Variants in RBFOX1 observed in about 807,000 individuals in gnomAD.
RBFOX1 encodes the protein RNA binding fox-1 homolog 1.
In RBFOX1, 8 loss-of-function variants were observed where a neutral mutation model predicts 57.7. That is an observed-to-expected ratio of 0.14 (90% CI 0.08 to 0.25). The LOEUF (loss-of-function observed/expected upper bound fraction) is 0.25. Ranked by LOEUF, RBFOX1 falls within the 10% of genes least tolerant of loss-of-function variation. The pLI, the probability that RBFOX1 is intolerant of heterozygous loss-of-function variation, is 1.00. For missense variants in RBFOX1, 611 were observed against 548.5 expected (o/e 1.11, Z -1.14); for synonymous variants, 326 against 222.4 (o/e 1.47, Z -4.15).
chr16:5,958,816 C>G (rs570093281), intron 4 of RBFOX1, among the ~76,000 whole-genome samples: 4 of 152,304 alleles, frequency 2.6e-5, no homozygotes, highest in South Asian at 4.2e-4. Context: ...ACGCTAATCT[C>G]TGATACTATT....
At chr16:6,449,827 C>G (rs1032934643) in intron 2 of RBFOX1, among the ~76,000 whole-genome samples, 11 of 152,080 alleles carry the variant, frequency 7.2e-5, no homozygotes, top group African/African-American at 2.7e-4. Flanking sequence ...GTGGCATGGC[C>G]CCACTGCCCC....
At chr16:5,775,556 C>T (rs1484987083) in intron 3 of RBFOX1, among the ~76,000 whole-genome samples, 2 of 152,206 alleles carry the variant, frequency 1.3e-5, no homozygotes, top group East Asian at 1.9e-4. Context: ...GAGGTTCAGA[C>T]ACCAGGTGCA....
intron 4 of RBFOX1, among the ~76,000 whole-genome samples, chr16:5,962,020 G>C (rs374819016): frequency 1.3e-5 from 2 of 152,132 alleles, no homozygotes; most frequent in African/African-American, 4.8e-5. Context: ...TTCCAAATCC[G>C]TTATGCATCC....
intron 3 of RBFOX1, among the ~76,000 whole-genome samples, chr16:5,803,017 C>T (rs753775132): frequency 6.6e-6 from 1 of 152,188 alleles, no homozygotes; most frequent in Non-Finnish European, 1.5e-5. Flanking sequence ...AGGAGACAGA[C>T]ATGTACTTGG....
At chr16:7,458,731 A>G (rs2059004458) in intron 4 of RBFOX1, among the ~76,000 whole-genome samples, 1 of 152,080 alleles carries the variant, frequency 6.6e-6, no homozygotes, top group African/African-American at 2.4e-5. Context: ...AGCTTAGCTC[A>G]TTACCTTTTC....
intron 2 of RBFOX1, among the ~76,000 whole-genome samples, chr16:6,544,823 C>A (rs1239538350): frequency 6.6e-6 from 1 of 152,124 alleles, no homozygotes; most frequent in African/African-American, 2.4e-5. Flanking sequence ...GCGAAGGGTA[C>A]CCACGACCAG....
intron 1 of RBFOX1, among the ~76,000 whole-genome samples, chr16:6,224,505 AG>A (rs2097401379): frequency 6.6e-6 from 1 of 152,110 alleles, no homozygotes; most frequent in Non-Finnish European, 1.5e-5. Flanking sequence ...TGGAGTAGTA[AG>A]ATGCTCGATT....
chr16:5,940,783 T>C (rs1313971490), intron 4 of RBFOX1, among the ~76,000 whole-genome samples: 1 of 152,090 alleles, frequency 6.6e-6, no homozygotes, highest in Non-Finnish European at 1.5e-5. Flanking sequence ...AGCCGGCTAG[T>C]CTGGCACATA....
intron 3 of RBFOX1, among the ~76,000 whole-genome samples, chr16:6,849,863 C>G (rs535099953): frequency 4.9e-4 from 74 of 152,168 alleles, no homozygotes; most frequent in African/African-American, 1.5e-3. Context: ...TTCTTCCTAC[C>G]CTGCCACTTA....
At chr16:7,637,413 T>C (rs990555316) in intron 11 of RBFOX1, among the ~76,000 whole-genome samples, 3 of 152,162 alleles carry the variant, frequency 2.0e-5, no homozygotes, top group African/African-American at 7.2e-5. Flanking sequence ...TTTCAACTGA[T>C]ATATTGATTG....
intron 1 of RBFOX1, among the ~76,000 whole-genome samples, chr16:6,043,734 G>C (rs1018957525): frequency 3.3e-5 from 5 of 152,140 alleles, no homozygotes; most frequent in African/African-American, 1.2e-4. Context: ...AGTATGGAAG[G>C]AGAACTCCAG....
At chr16:6,398,355 T>G (rs905167386) in intron 2 of RBFOX1, among the ~76,000 whole-genome samples, 3 of 152,168 alleles carry the variant, frequency 2.0e-5, no homozygotes, top group Non-Finnish European at 4.4e-5. Context: ...AATTATTCCT[T>G]TTCAACAGTC....
chr16:5,907,326 C>A (rs562870192), intron 4 of RBFOX1, among the ~76,000 whole-genome samples: 1 of 152,136 alleles, frequency 6.6e-6, no homozygotes, highest in Non-Finnish European at 1.5e-5. Context: ...AGATTTCATG[C>A]CTCTTTCTCT....
intron 2 of RBFOX1, among the ~76,000 whole-genome samples, chr16:6,319,561 T>G (rs1341955151): frequency 1.3e-5 from 2 of 152,194 alleles, no homozygotes; most frequent in African/African-American, 2.4e-5. Flanking sequence ...GAGACCAGTA[T>G]GGGTGTTTCT....
At chr16:5,442,568 G>A (rs558558879) in intron 1 of RBFOX1, among the ~76,000 whole-genome samples, 240 of 152,316 alleles carry the variant, frequency 1.6e-3, no homozygotes, top group African/African-American at 5.5e-3. Context: ...CCAAATCCCC[G>A]AGGGAAGGGA....
intron 3 of RBFOX1, among the ~76,000 whole-genome samples, chr16:6,777,582 G>C (rs995790353): frequency 6.6e-6 from 1 of 152,052 alleles, no homozygotes; most frequent in African/African-American, 2.4e-5. Context: ...TGTCAGATTA[G>C]GGGGGAAAGA....
chr16:5,525,164 G>C lies in RBFOX1; in HGVS notation c.258+57910G>C, dbSNP rs115085787. ...AGAGGATTGTGATGCTCCCAGGGCA[G>C]AGTGGCTTGTCAGGGACAGCTGTCA... On this transcript the variant is annotated intron_variant, in intron 2 of 2. Transcript: ENST00000585867. 8.5e-3 allele frequency among the ~76,000 whole-genome samples: 1,298 copies of C among 152,266 alleles called. 27 individuals are homozygous for C. Among genetic ancestry groups the C allele is most frequent in the African/African-American group, 0.029 (1,212 of 41,546 alleles).
At chr16:7,513,867 C>T (rs1280171939) in intron 4 of RBFOX1, among the ~76,000 whole-genome samples, 1 of 152,150 alleles carries the variant, frequency 6.6e-6, no homozygotes, top group Admixed American at 6.5e-5. Context: ...CAAAGATCTG[C>T]GGATGGAAAG....
At chr16:7,392,790 C>T (rs1192322266) in intron 4 of RBFOX1, among the ~76,000 whole-genome samples, 3 of 152,068 alleles carry the variant, frequency 2.0e-5, no homozygotes, top group African/African-American at 7.2e-5. Flanking sequence ...TAGGGATGTC[C>T]TCAGTCCGTG....
Sources: gnomAD v4.1 joint callset for allele counts (sites outside exome capture counted in the v4.1 genomes callset) on GRCh38, gnomAD v4.1.1 for gene constraint, MANE v1.5 for transcripts, NCBI Gene and HGNC (gene_info 2026-07-23, HGNC 2026-07-21) for gene names.